CCDC178: variants seen among roughly 807,000 people sequenced by gnomAD.
CCDC178 encodes coiled-coil domain containing 178.
In CCDC178, 126 loss-of-function variants were observed where a neutral mutation model predicts 117.4. The observed-to-expected ratio is 1.07, with a 90% confidence interval of 0.93 to 1.24. The LOEUF is 1.24. Ranked by LOEUF, CCDC178 falls within the 50% of genes most tolerant of loss-of-function variation. The probability of loss-of-function intolerance (pLI) is 0.00; values close to 1 mark genes in which losing one functional copy is unlikely to be tolerated. For synonymous variants in CCDC178, 283 were observed against 313.4 expected, an observed-to-expected ratio of 0.90 and a Z score of 1.02; for missense variants, 1,030 against 986.9, an observed-to-expected ratio of 1.04 and a Z score of -0.59.
intron 20 of CCDC178, among the ~76,000 whole-genome samples, chr18:33,136,917 G>T (rs889583188): frequency 6.6e-6 from 1 of 152,070 alleles, no homozygotes; most frequent in Non-Finnish European, 1.5e-5. Context: ...CACCTATTAG[G>T]TGCCAAGCTA....
intron 11 of CCDC178, among the ~76,000 whole-genome samples, chr18:33,304,222 C>T (rs2062218723): frequency 6.6e-6 from 1 of 152,170 alleles, no homozygotes; most frequent in Non-Finnish European, 1.5e-5. Flanking sequence ...AGCTCTGGGT[C>T]TTTTACCATG....
intron 6 of CCDC178, among the ~76,000 whole-genome samples, chr18:33,365,536 A>G (rs2063191329): frequency 6.6e-6 from 1 of 152,152 alleles, no homozygotes; most frequent in African/African-American, 2.4e-5. Context: ...GGTTTTAATA[A>G]GAATTCAATG....
intron 20 of CCDC178, among the ~76,000 whole-genome samples, chr18:33,125,611 G>C (rs2057995571): frequency 1.3e-5 from 2 of 152,116 alleles, no homozygotes; most frequent in Admixed American, 1.3e-4. Flanking sequence ...TGGCTGTGAC[G>C]TACCAGTTAT....
rs540752370 is a variant in CCDC178 at position 33,328,998 on chromosome 18, G to A, written c.879+4176C>T. Among the ~76,000 whole-genome samples the A allele has an allele frequency of 4.6e-5, 7 of 152,050 alleles. No homozygotes were observed. The South Asian group carries it at 1.2e-3, about 27-fold the overall frequency. ...ATTTCAGCAAAATATTATAGTTTTT[G>A]CTATATAAATCTTTCATCTTCTTAA... On this transcript the variant is annotated intron_variant, in intron 10 of 22. Transcript: ENST00000383096.
chr18:32,981,962 T>C (rs1165614150), intron 21 of CCDC178, among the ~76,000 whole-genome samples: 1 of 152,202 alleles, frequency 6.6e-6, no homozygotes, highest in Non-Finnish European at 1.5e-5. Flanking sequence ...AAGGTAACCA[T>C]AGAGCCCAGA....
chr18:33,084,809 T>C (rs927515155), intron 21 of CCDC178, among the ~76,000 whole-genome samples: 2 of 137,144 alleles, frequency 1.5e-5, no homozygotes, highest in Non-Finnish European at 3.1e-5. Context: ...AGGCCCCGTC[T>C]CAAAAAAAAA....
chr18:33,351,622 A>T (rs1014978662), intron 7 of CCDC178, among the ~76,000 whole-genome samples: 2 of 152,218 alleles, frequency 1.3e-5, no homozygotes, highest in Non-Finnish European at 2.9e-5. Flanking sequence ...AGTTCACTGT[A>T]AACTTGACCT....
At chr18:33,024,212 G>T (rs1474706893) in intron 21 of CCDC178, among the ~76,000 whole-genome samples, 2 of 152,310 alleles carry the variant, frequency 1.3e-5, no homozygotes, top group East Asian at 1.9e-4. Context: ...GTATCAATTT[G>T]CTAGGGATAC....
intron 2 of CCDC178, among the ~76,000 whole-genome samples, chr18:33,428,156 C>G (rs2064147284): frequency 2.0e-5 from 3 of 152,062 alleles, no homozygotes; most frequent in Admixed American, 6.5e-5. Context: ...ATGTCAATAA[C>G]TATTTATTGA....
Position 33,212,046 on chromosome 18 carries a change from A to G in CCDC178, c.2088T>C (p.Phe696=). ...DQTLEILKNK[F]ITMRFKREHA... ...GTTCCCTTTTAAATCTCATAGTTAT[A>G]AATTTGTTCCTGTGAAGAAAGAATT... The change falls in exon 20 of 23, where the codon TTT becomes TTC. Residue 696 remains phenylalanine, a synonymous_variant. Coordinates refer to ENST00000383096, the MANE Select transcript of CCDC178 (RefSeq NM_001105528.4). 6.4e-7 allele frequency: 1 copy of G among 1,574,130 alleles called. No individual in the cohort carries two copies. Among genetic ancestry groups the G allele is most frequent in the Non-Finnish European group, 8.6e-7 (1 of 1,165,496 alleles).
At chr18:33,328,381 G>A (rs1312871506) in intron 10 of CCDC178, among the ~76,000 whole-genome samples, 3 of 152,016 alleles carry the variant, frequency 2.0e-5, no homozygotes, top group Non-Finnish European at 2.9e-5. Flanking sequence ...GATTACAGGC[G>A]TGAACCACTG....
chr18:33,357,004 CT>C (rs78171877), intron 6 of CCDC178, among the ~76,000 whole-genome samples: 120 of 144,026 alleles, frequency 8.3e-4, no homozygotes, highest in Admixed American at 1.6e-3. Flanking sequence ...AGAACTTTGG[CT>C]TTTTTTTTTT....
intron 20 of CCDC178, among the ~76,000 whole-genome samples, chr18:33,135,248 G>T (rs1162549031): frequency 6.6e-6 from 1 of 151,944 alleles, no homozygotes; most frequent in Non-Finnish European, 1.5e-5. Flanking sequence ...ATTTGCATAG[G>T]TAATGTTAAA....
At chr18:33,247,698 C>T (rs1599049610) in intron 14 of CCDC178, among the ~76,000 whole-genome samples, 1 of 151,662 alleles carries the variant, frequency 6.6e-6, no homozygotes, top group Non-Finnish European at 1.5e-5. Flanking sequence ...CTTGTGTAAA[C>T]TTTTTGTGTT....
intron 3 of CCDC178, among the ~76,000 whole-genome samples, chr18:33,399,006 C>T (rs950318318): frequency 6.6e-6 from 1 of 152,122 alleles, no homozygotes; most frequent in Non-Finnish European, 1.5e-5. Context: ...TTGAGACCAG[C>T]CTGACCAACA....
chr18:33,309,132 G>A (rs368070208), intron 11 of CCDC178, among the ~76,000 whole-genome samples: 2 of 151,370 alleles, frequency 1.3e-5, no homozygotes, highest in African/African-American at 2.4e-5. Flanking sequence ...GTCAAGGTTT[G>A]GCATAAATGA....
At chr18:33,005,629 C>T (rs755150630) in intron 21 of CCDC178, among the ~76,000 whole-genome samples, 5 of 151,806 alleles carry the variant, frequency 3.3e-5, no homozygotes, top group Non-Finnish European at 5.9e-5. Flanking sequence ...GTTTGTGACA[C>T]AAAGAAAGGA....
intron 21 of CCDC178, among the ~76,000 whole-genome samples, chr18:33,029,919 T>C (rs2056302655): frequency 6.6e-6 from 1 of 152,060 alleles, no homozygotes; most frequent in Non-Finnish European, 1.5e-5. Context: ...GAATATTCCA[T>C]ATGCTCTTGA....
At chr18:32,981,202 C>G (rs894094689) in intron 21 of CCDC178, among the ~76,000 whole-genome samples, 10 of 151,928 alleles carry the variant, frequency 6.6e-5, no homozygotes, top group Admixed American at 2.0e-4. Flanking sequence ...AAAATAAACA[C>G]ATTAAAATTG....
Sources: gnomAD v4.1 joint callset for allele counts (sites outside exome capture counted in the v4.1 genomes callset) on GRCh38, gnomAD v4.1.1 for gene constraint, MANE v1.5 for transcripts, NCBI Gene and HGNC (gene_info 2026-07-23, HGNC 2026-07-21) for gene names.